The following SGCD variants were observed in gnomAD, a reference collection of about 807,000 sequenced individuals.
SGCD encodes the protein sarcoglycan delta, also known as delta-sarcoglycan.
A neutral mutation model predicts 36.6 loss-of-function variants in SGCD; 18 were observed. The ratio of observed to expected loss-of-function variants is 0.49; its 90% confidence interval spans 0.34 to 0.73. The LOEUF is 0.73. SGCD is among the 30% of genes least tolerant of loss of function. The probability of loss-of-function intolerance (pLI) is 0.01; values close to 1 mark genes in which losing one functional copy is unlikely to be tolerated. For synonymous variants in SGCD, 133 were observed against 130.6 expected (o/e 1.02, Z -0.12); for missense variants, 387 against 346.7 (o/e 1.12, Z -0.92).
intron 1 of SGCD, among the ~76,000 whole-genome samples, chr5:155,913,839 A>G (rs1444876615): frequency 6.6e-6 from 1 of 152,250 alleles, no homozygotes; most frequent in African/African-American, 2.4e-5. Context: ...GTCTGTGCTC[A>G]TCTTGCAAAA....
chr5:156,306,174 A>G (rs1767206610), intron 3 of SGCD, among the ~76,000 whole-genome samples: 1 of 152,154 alleles, frequency 6.6e-6, no homozygotes, highest in African/African-American at 2.4e-5. Flanking sequence ...GTGGAAAGAT[A>G]TGGTTTGGCT....
intron 6 of SGCD, among the ~76,000 whole-genome samples, chr5:156,638,813 C>T (rs931369182): frequency 6.6e-6 from 1 of 151,904 alleles, no homozygotes; most frequent in Non-Finnish European, 1.5e-5. Flanking sequence ...TCATATCTTG[C>T]CAGGATGTTT....
chr5:156,608,843 T>C (rs1237834186), intron 6 of SGCD, among the ~76,000 whole-genome samples: 9 of 152,052 alleles, frequency 5.9e-5, no homozygotes, highest in Non-Finnish European at 8.8e-5. Context: ...TAAAGTCTGT[T>C]TTATCCGAGA....
At chr5:156,246,291 T>A (rs1489863939) in intron 3 of SGCD, among the ~76,000 whole-genome samples, 2 of 152,178 alleles carry the variant, frequency 1.3e-5, no homozygotes, top group East Asian at 1.9e-4. Flanking sequence ...GAGCTGTAGT[T>A]CCATAAAATC....
At chr5:156,285,740 A>T (rs990057877) in intron 3 of SGCD, among the ~76,000 whole-genome samples, 14 of 152,262 alleles carry the variant, frequency 9.2e-5, no homozygotes, top group South Asian at 2.1e-4. Context: ...AACCTAGGCA[A>T]TACCATTCAG....
At chr5:155,793,989 C>T in the SGCD span, among the ~76,000 whole-genome samples, 1 of 133,726 alleles carries the variant, frequency 7.5e-6, no homozygotes, top group South Asian at 2.5e-4. Context: ...AAGAATAAAA[C>T]TAAGCTAAAA....
At chr5:155,730,529 G>A in the SGCD span, among the ~76,000 whole-genome samples, 19 of 150,022 alleles carry the variant, frequency 1.3e-4, no homozygotes, top group South Asian at 4.0e-3. Context: ...ATACATAGTA[G>A]GCACTCCGTT....
chr5:156,036,307 C>G (rs1382071420), intron 1 of SGCD, among the ~76,000 whole-genome samples: 1 of 152,136 alleles, frequency 6.6e-6, no homozygotes, highest in Admixed American at 6.6e-5. Flanking sequence ...GGCTTACAAG[C>G]AGAGTTTTTA....
chr5:156,166,479 G>A (rs981279041), intron 3 of SGCD, among the ~76,000 whole-genome samples: 1 of 152,148 alleles, frequency 6.6e-6, no homozygotes, highest in African/African-American at 2.4e-5. Flanking sequence ...ACCACGCCTG[G>A]CTAATTTTGT....
intron 1 of SGCD, among the ~76,000 whole-genome samples, chr5:155,973,361 G>A (rs1758043978): frequency 2.0e-5 from 3 of 152,136 alleles, no homozygotes; most frequent in Admixed American, 1.3e-4. Context: ...TTTGAATTTA[G>A]CTCTACACTG....
intron 1 of SGCD, among the ~76,000 whole-genome samples, chr5:155,995,833 A>G (rs989552802): frequency 6.6e-6 from 1 of 152,088 alleles, no homozygotes; most frequent in African/African-American, 2.4e-5. Context: ...CCCCCGAGTG[A>G]GGAAAAAGTT....
At chr5:156,163,982 C>T (rs1428035083) in intron 3 of SGCD, among the ~76,000 whole-genome samples, 1 of 147,436 alleles carries the variant, frequency 6.8e-6, no homozygotes, top group African/African-American at 2.6e-5. Flanking sequence ...GAGATCATGC[C>T]ACTGCACTCC....
chr5:156,299,643 A>C (rs1365605235), intron 3 of SGCD, among the ~76,000 whole-genome samples: 1 of 151,858 alleles, frequency 6.6e-6, no homozygotes, highest in Non-Finnish European at 1.5e-5. Flanking sequence ...CGTTATAGAG[A>C]TCTTTCACTT....
intron 3 of SGCD, among the ~76,000 whole-genome samples, chr5:156,411,522 C>T (rs1333848497): frequency 6.6e-6 from 1 of 152,212 alleles, no homozygotes; most frequent in Admixed American, 6.5e-5. Flanking sequence ...CGTGACTGGG[C>T]TCAGATCCTG....
chr5:156,243,966 T>C (rs1412744744), intron 3 of SGCD, among the ~76,000 whole-genome samples: 1 of 152,192 alleles, frequency 6.6e-6, no homozygotes, highest in Admixed American at 6.5e-5. Flanking sequence ...AATGTTTACC[T>C]TATTTCACGG....
At chr5:155,735,993 C>T in the SGCD span, among the ~76,000 whole-genome samples, 1 of 152,154 alleles carries the variant, frequency 6.6e-6, no homozygotes, top group African/African-American at 2.4e-5. Context: ...CCTCTTTCTT[C>T]TTAACCCTTT....
chr5:156,067,945 C>T (rs1317585068), intron 1 of SGCD, among the ~76,000 whole-genome samples: 5 of 128,658 alleles, frequency 3.9e-5, no homozygotes, highest in African/African-American at 9.5e-5. Flanking sequence ...TGTTCCTATT[C>T]GGCCATCTTG....
intron 3 of SGCD, among the ~76,000 whole-genome samples, chr5:156,505,390 G>A (rs535015800): frequency 6.6e-6 from 1 of 152,330 alleles, no homozygotes; most frequent in South Asian, 2.1e-4. Context: ...TATGAAGACA[G>A]GATGGGGAAA....
intron 1 of SGCD, among the ~76,000 whole-genome samples, chr5:155,988,378 T>A (rs1163316411): frequency 1.3e-5 from 2 of 152,100 alleles, no homozygotes; most frequent in Non-Finnish European, 2.9e-5. Flanking sequence ...CTGCTTCTCA[T>A]TGGCCAGAAT....
Sources: allele counts gnomAD v4.1 joint callset (sites outside exome capture counted in the v4.1 genomes callset), GRCh38; gene constraint gnomAD v4.1.1; transcripts MANE v1.5; gene names NCBI Gene and HGNC (gene_info 2026-07-23, HGNC 2026-07-21).